The following RAB7A variants were observed in gnomAD, a reference collection of about 807,000 sequenced individuals.
RAB7A encodes the protein RAB7A, member RAS oncogene family.
Under a neutral mutation model 24.5 loss-of-function variants are expected in RAB7A, and 2 were observed. That is an observed-to-expected ratio of 0.08 (90% CI 0.03 to 0.26). The LOEUF (loss-of-function observed/expected upper bound fraction) is 0.26, where lower values mean the gene tolerates loss of function less well. RAB7A is among the 10% of genes least tolerant of loss of function. RAB7A has a pLI of 1.00. For synonymous variants in RAB7A, 100 were observed against 95.9 expected, an observed-to-expected ratio of 1.04 and a Z score of -0.25; for missense variants, 118 against 255.7, an observed-to-expected ratio of 0.46 and a Z score of 3.67.
chr3:128,779,355 C>A (rs566465738), intron 1 of RAB7A, among the ~76,000 whole-genome samples: 1 of 151,818 alleles, frequency 6.6e-6, no homozygotes, highest in African/African-American at 2.4e-5. Flanking sequence ...TTGCAGTGAG[C>A]CGAGATCACG....
chr3:128,801,147 A>G lies in RAB7A; in HGVS notation c.180+3078A>G, dbSNP rs372752887. 1.8e-3 allele frequency among the ~76,000 whole-genome samples: 271 copies of G among 152,360 alleles called. 7 individuals carry two copies. The South Asian group carries it at 0.049, about 28-fold the overall frequency. Reference sequence around the variant, plus strand: ...GGATACAGAGTTTCAGTTATATGAGATGAATAAATCCTAGAGATGTGTACA... The same window carrying G: ...GGATACAGAGTTTCAGTTATATGAGGTGAATAAATCCTAGAGATGTGTACA... On this transcript the variant is annotated intron_variant, in intron 3 of 5. Coordinates refer to ENST00000265062, the MANE Select transcript of RAB7A (RefSeq NM_004637.6).
rs544248794 is a variant in RAB7A, at chr3:128,758,098, G to A, written c.-9+31739G>A. ...TGTCCTTGGCTTCGCAAATCACTGG[G>A]ATTACAGGTGTGAGCCACCACACCT... On this transcript the variant is annotated intron_variant, in intron 1 of 5. Coordinates refer to ENST00000265062, the MANE Select transcript of RAB7A (RefSeq NM_004637.6). 2.6e-5 allele frequency among the ~76,000 whole-genome samples: 4 copies of A among 152,188 alleles called. No homozygotes were observed. The East Asian group carries it at 5.8e-4, about 22-fold the overall frequency.
At chr3:128,768,863 G>A (rs532186792) in intron 1 of RAB7A, among the ~76,000 whole-genome samples, 1 of 150,732 alleles carries the variant, frequency 6.6e-6, no homozygotes. Flanking sequence ...CCAGCCTAAA[G>A]TGTGTGCAGT....
At chr3:128,743,542 T>C (rs1470752060) in intron 1 of RAB7A, among the ~76,000 whole-genome samples, 1 of 152,194 alleles carries the variant, frequency 6.6e-6, no homozygotes, top group African/African-American at 2.4e-5. Context: ...GGGTCTCAGC[T>C]TGGACATTGG....
intron 1 of RAB7A, among the ~76,000 whole-genome samples, chr3:128,748,331 G>A (rs2070640678): frequency 6.6e-6 from 1 of 152,196 alleles, no homozygotes; most frequent in African/African-American, 2.4e-5. Flanking sequence ...GGCTTTTCTG[G>A]TGGTCTTCTG....
chr3:128,732,578 C>G (rs185315003), intron 1 of RAB7A, among the ~76,000 whole-genome samples: 1 of 152,044 alleles, frequency 6.6e-6, no homozygotes, highest in South Asian at 2.1e-4. Context: ...GGAGTAATCC[C>G]AGCACTTTGG....
intron 1 of RAB7A, among the ~76,000 whole-genome samples, chr3:128,754,107 G>C (rs966675729): frequency 2.0e-5 from 3 of 152,076 alleles, no homozygotes; most frequent in South Asian, 2.1e-4. Context: ...AATCAAATCT[G>C]TATGAAGATA....
chr3:128,788,142 AGCTGTCTT>A (rs1933380050), intron 1 of RAB7A, among the ~76,000 whole-genome samples: 1 of 152,234 alleles, frequency 6.6e-6, no homozygotes, highest in African/African-American at 2.4e-5. Context: ...GTCACTTAGT[AGCTGTCTT>A]GGTTATCACA....
chr3:128,747,936 T>A (rs2070635450), intron 1 of RAB7A, among the ~76,000 whole-genome samples: 2 of 151,518 alleles, frequency 1.3e-5, no homozygotes, highest in African/African-American at 2.4e-5. Flanking sequence ...CCCAGCTAAT[T>A]TTTGTATTTT....
Position 128,813,587 on chromosome 3 carries a change from A to G in RAB7A, c.*165A>G. ...CACAGTTACACCCCACATATCTCTC[A>G]CACACACACACACACGCACACACAC... is the stretch of plus-strand genomic sequence containing the variant. On this transcript the variant is annotated 3_prime_UTR_variant, in exon 6 of 6. Transcript: ENST00000265062. The G allele has an allele frequency of 3.0e-5, 15 of 501,774 alleles. No individual in the cohort carries two copies. The highest frequency in any genetic ancestry group is 4.5e-5 in the Non-Finnish European group (12 of 265,474). The allele number at this position is 501,774 out of a possible 1,614,324, so 31.1% of individuals were successfully genotyped here.
intron 1 of RAB7A, among the ~76,000 whole-genome samples, chr3:128,786,584 GT>G (rs1933347027): frequency 6.6e-6 from 1 of 152,156 alleles, no homozygotes; most frequent in African/African-American, 2.4e-5. Flanking sequence ...TTCCGTGCTG[GT>G]GAAAGTGTGG....
intron 1 of RAB7A, among the ~76,000 whole-genome samples, chr3:128,762,374 T>G (rs576966546): frequency 2.3e-4 from 35 of 152,314 alleles, no homozygotes; most frequent in African/African-American, 8.2e-4. Context: ...CATTCCCGTT[T>G]AAGCTCTCTT....
chr3:128,805,848 C>G (rs997472267), intron 3 of RAB7A, among the ~76,000 whole-genome samples: 25 of 152,136 alleles, frequency 1.6e-4, no homozygotes, highest in African/African-American at 6.0e-4. Flanking sequence ...GACAGGGTTT[C>G]TCCATGTTGG....
At chr3:128,792,722 C>T (rs1439670572) in intron 1 of RAB7A, among the ~76,000 whole-genome samples, 1 of 150,984 alleles carries the variant, frequency 6.6e-6, no homozygotes, top group East Asian at 2.0e-4. Flanking sequence ...TTTCCCTTCC[C>T]CACCACTCAC....
At chr3:128,797,494 C>T (rs1470116641) in intron 2 of RAB7A, among the ~76,000 whole-genome samples, 1 of 152,176 alleles carries the variant, frequency 6.6e-6, no homozygotes, top group Non-Finnish European at 1.5e-5. Flanking sequence ...TGGTGTGTGT[C>T]TGCTGAAAGC....
At chr3:128,768,386 A>G (rs1008251206) in intron 1 of RAB7A, among the ~76,000 whole-genome samples, 1 of 152,144 alleles carries the variant, frequency 6.6e-6, no homozygotes, top group Non-Finnish European at 1.5e-5. Flanking sequence ...TGCTGTGAAC[A>G]CTGGTGCACA....
chr3:128,812,497 A>G (rs916810222), intron 5 of RAB7A, among the ~76,000 whole-genome samples: 1 of 152,224 alleles, frequency 6.6e-6, no homozygotes, highest in Non-Finnish European at 1.5e-5. Flanking sequence ...TTTTTCCTAG[A>G]TAACTTTTAA....
At chr3:128,808,009 GA>G (rs1471890148) in intron 5 of RAB7A, among the ~76,000 whole-genome samples, 9 of 152,112 alleles carry the variant, frequency 5.9e-5, no homozygotes, top group African/African-American at 1.7e-4. Context: ...AAATAAACTT[GA>G]ATATGAATCC....
At chr3:128,787,302 A>G (rs1380162900) in intron 1 of RAB7A, among the ~76,000 whole-genome samples, 2 of 152,258 alleles carry the variant, frequency 1.3e-5, no homozygotes, top group African/African-American at 4.8e-5. Flanking sequence ...ATTTGTTCAA[A>G]TATCTAGTGC....
Sources: allele counts gnomAD v4.1 joint callset (sites outside exome capture counted in the v4.1 genomes callset), GRCh38; gene constraint gnomAD v4.1.1; transcripts MANE v1.5; gene names NCBI Gene and HGNC (gene_info 2026-07-23, HGNC 2026-07-21).